The following LIPI variants were observed in gnomAD, a reference collection of about 807,000 sequenced individuals.
LIPI encodes lipase member I.
LIPI carries 59 observed loss-of-function variants against 50.6 expected under a neutral mutation model. The observed-to-expected ratio is 1.16, with a 90% CI of 0.94 to 1.45. The LOEUF (loss-of-function observed/expected upper bound fraction) is 1.45. Among genes scored for constraint, LIPI ranks in the 40% most tolerant of loss-of-function variants. LIPI has a pLI of 0.00. For missense variants in LIPI, 586 were observed against 536.3 expected, an observed-to-expected ratio of 1.09 and a Z score of -0.92; for synonymous variants, 203 against 178.2, an observed-to-expected ratio of 1.14 and a Z score of -1.11.
chr21:14,202,203 A>T (rs1423604714), intron 1 of LIPI, among the ~76,000 whole-genome samples: 1 of 152,244 alleles, frequency 6.6e-6, no homozygotes, highest in African/African-American at 2.4e-5. Flanking sequence ...AAATGGAAGA[A>T]TATTCCATGC....
chr21:14,130,092 T>A, intron 9 of LIPI, among the ~76,000 whole-genome samples: 1 of 152,278 alleles, frequency 6.6e-6, no homozygotes, highest in South Asian at 2.1e-4. Flanking sequence ...AGTTAGTTTT[T>A]AAAAAATTGC....
chr21:14,117,357 G>A (rs1294243345), intron 9 of LIPI, among the ~76,000 whole-genome samples: 2 of 152,188 alleles, frequency 1.3e-5, no homozygotes, highest in South Asian at 2.1e-4. Flanking sequence ...TTCTGTCACT[G>A]TTCAATACAG....
intron 9 of LIPI, among the ~76,000 whole-genome samples, chr21:14,113,531 C>G (rs538470969): frequency 2.0e-5 from 3 of 152,092 alleles, no homozygotes; most frequent in South Asian, 2.1e-4. Flanking sequence ...ATTACCAAAG[C>G]TATCATCACA....
chr21:14,108,869 T>C lies in LIPI; in HGVS notation c.*124A>G. 8.4e-7 allele frequency: 1 copy of C among 1,192,150 alleles called. No homozygotes were observed. The allele number at this position is 1,192,150 out of a possible 1,614,324, so 73.8% of individuals were successfully genotyped here. A position where few individuals can be genotyped will look rare whatever the true frequency, so the allele number is the denominator to read the frequency against. On this transcript the variant is annotated 3_prime_UTR_variant, in exon 10 of 10. Transcript: ENST00000681601. ...TTTCTTTATTTTTGATTCTTAAAAT[T>C]TTTTCCAAGAAATAGAAATACTTGA... is the stretch of plus-strand genomic sequence containing the variant.
chr21:14,140,383 A>AT (rs1407015422), intron 9 of LIPI, among the ~76,000 whole-genome samples: 1 of 152,114 alleles, frequency 6.6e-6, no homozygotes, highest in African/African-American at 2.4e-5. Context: ...TTTTAAAAAT[A>AT]TTTTTGTAAA....
chr21:14,161,714 ATT>A (rs2018487345), intron 7 of LIPI, among the ~76,000 whole-genome samples: 1 of 93,526 alleles, frequency 1.1e-5, no homozygotes, highest in South Asian at 2.9e-4. Flanking sequence ...ATTATTATAT[ATT>A]AATATATAAT....
intron 9 of LIPI, among the ~76,000 whole-genome samples, chr21:14,141,844 T>TA (rs2017720977): frequency 6.6e-6 from 1 of 152,214 alleles, no homozygotes; most frequent in African/African-American, 2.4e-5. Flanking sequence ...GGCCAAGATT[T>TA]ACATTGTGTG....
chr21:14,157,094 CAG>C (rs1180114927), intron 7 of LIPI, among the ~76,000 whole-genome samples: 6 of 151,868 alleles, frequency 4.0e-5, no homozygotes, highest in East Asian at 3.9e-4. Context: ...ATTTATAAGA[CAG>C]GGGTTGAAAG....
intron 6 of LIPI, 75 bp downstream of exon 6, chr21:14,165,148 T>G: frequency 8.5e-7 from 1 of 1,173,974 alleles, no homozygotes; most frequent in East Asian, 2.5e-5. Flanking sequence ...ACAGTTTAGC[T>G]TCCAGCAGAA....
At chr21:14,210,137 A>G (rs1370883347) in intron 1 of LIPI, among the ~76,000 whole-genome samples, 1 of 152,082 alleles carries the variant, frequency 6.6e-6, no homozygotes, top group African/African-American at 2.4e-5. Flanking sequence ...ATCATCTTGA[A>G]TTTTAAATTT....
At chr21:14,208,698 A>G (rs1600945674) in intron 1 of LIPI, among the ~76,000 whole-genome samples, 1 of 152,252 alleles carries the variant, frequency 6.6e-6, no homozygotes, top group African/African-American at 2.4e-5. Context: ...AAAGCTGAGT[A>G]GGTGCAAAAG....
At chr21:14,136,255 A>G (rs894117255) in intron 9 of LIPI, among the ~76,000 whole-genome samples, 1 of 152,150 alleles carries the variant, frequency 6.6e-6, no homozygotes, top group African/African-American at 2.4e-5. Context: ...TAGAGCACCA[A>G]GTGGGCTCGT....
chr21:14,195,187 C>T (rs1176712327), intron 1 of LIPI, among the ~76,000 whole-genome samples: 1 of 152,048 alleles, frequency 6.6e-6, no homozygotes, highest in Non-Finnish European at 1.5e-5. Context: ...AGGAAGGAGC[C>T]AGGCAGAAGA....
rs751849650 is a variant in LIPI, at chr21:14,165,258, C to G, written c.866G>C (p.Cys289Ser). ...KDYKTSLCVDCDCFKEKSCPR... is the reference protein window; with the variant it reads ...KDYKTSLCVDSDCFKEKSCPR... ...ACATGATTTTTCCTTAAAACAGTCA[C>G]AGTCCACACATAAGCTAGTCTTGTA... Residue 289 changes from cysteine (C) to serine (S), a missense_variant, in exon 6 of 10, where the codon TGT becomes TCT. By Grantham distance (112) the Cys-to-Ser change is moderately radical. Transcript: ENST00000681601. 2 of 1,612,598 alleles carry G rather than the reference C, an allele frequency of 1.2e-6. No individual in the cohort carries two copies. Among genetic ancestry groups the G allele is most frequent in the Middle Eastern group, 3.3e-4 (2 of 6,050 alleles).
At chr21:14,134,069 A>G (rs550487704) in intron 9 of LIPI, among the ~76,000 whole-genome samples, 1 of 152,164 alleles carries the variant, frequency 6.6e-6, no homozygotes, top group South Asian at 2.1e-4. Flanking sequence ...CTACAAAAAT[A>G]ATTTTAAAAA....
At chr21:14,186,170 G>T in intron 2 of LIPI, 101 bp from the exon 3 acceptor site, 1 of 761,546 alleles carries the variant, frequency 1.3e-6, no homozygotes, top group Non-Finnish European at 2.4e-6. Context: ...TATTTTTCTG[G>T]CTTGATTCAT....
Position 14,166,382 on chromosome 21 carries a change from C to T in LIPI, c.713G>A (p.Cys238Tyr), listed in dbSNP as rs760966046. 3 of 1,596,584 alleles carry T rather than the reference C, an allele frequency of 1.9e-6. No individual in the cohort carries two copies. The highest frequency in any genetic ancestry group is 2.6e-6 in the Non-Finnish European group (3 of 1,164,166). ...TATACCTGAGAAAATTGATTTAGGACAGCCAGGTTGTTTATTTCCTCCATT... is the reference window on the plus strand; with the variant it reads ...TATACCTGAGAAAATTGATTTAGGATAGCCAGGTTGTTTATTTCCTCCATT... ...YPNGGNKQPG[C>Y]PKSIFSGIQF... Residue 238 changes from cysteine (C) to tyrosine (Y), a missense_variant, in exon 5 of 10, where the codon TGT becomes TAT. Cys to Tyr is a radical substitution (Grantham distance 194, BLOSUM62 -2). Transcript: ENST00000681601.
At chr21:14,208,171 G>T (rs1348816549) in intron 1 of LIPI, among the ~76,000 whole-genome samples, 1 of 152,074 alleles carries the variant, frequency 6.6e-6, no homozygotes, top group Non-Finnish European at 1.5e-5. Context: ...AGAATCCCAT[G>T]GGTTCTGGAA....
At chr21:14,125,858 A>G (rs2017043555) in intron 9 of LIPI, among the ~76,000 whole-genome samples, 1 of 152,168 alleles carries the variant, frequency 6.6e-6, no homozygotes, top group African/African-American at 2.4e-5. Context: ...CCAGGCCAAG[A>G]TGATAGTTTT....
Sources: gnomAD v4.1 joint callset for allele counts (sites outside exome capture counted in the v4.1 genomes callset) on GRCh38, gnomAD v4.1.1 for gene constraint, MANE v1.5 for transcripts, NCBI Gene and HGNC (gene_info 2026-07-23, HGNC 2026-07-21) for gene names.